Variants in ADAM10 observed in about 807,000 individuals in gnomAD.
ADAM10 encodes the protein disintegrin and metalloproteinase domain-containing protein 10.
ADAM10 carries 17 observed loss-of-function variants against 90.1 expected under a neutral mutation model. The ratio of observed to expected loss-of-function variants is 0.19; its 90% CI spans 0.13 to 0.28. The LOEUF (loss-of-function observed/expected upper bound fraction) is 0.28. ADAM10 is among the 10% of genes least tolerant of loss of function. The probability of loss-of-function intolerance (pLI) is 1.00; values close to 1 mark genes in which losing one functional copy is unlikely to be tolerated. For synonymous variants in ADAM10, 310 were observed against 298.6 expected, an observed-to-expected ratio of 1.04 and a Z score of -0.40; for missense variants, 610 against 914.3, an observed-to-expected ratio of 0.67 and a Z score of 4.29.
Position 58,692,637 on chromosome 15 carries a change from ATCT to A in ADAM10, c.207-10326_207-10324del, listed in dbSNP as rs1232055766. 4 of 559,444 alleles carry A rather than the reference ATCT, an allele frequency of 7.1e-6. No homozygotes were observed. The African/African-American group carries it at 7.6e-5, about 11-fold the overall frequency. 34.7% of individuals were successfully genotyped at this position (559,444 alleles called of 1,614,324 possible). A position where few individuals can be genotyped will look rare whatever the true frequency, so the allele number is the denominator to read the frequency against. On this transcript the variant is annotated intron_variant, in intron 2 of 15. Coordinates refer to ENST00000260408, the MANE Select transcript of ADAM10 (RefSeq NM_001110.4). ...ACCTCTCTTCTAAGTACTCTGTCTG[ATCT>A]TCTTTAAGGTGAAGGATCACTTTGG...
At chr15:58,638,974 A>G (rs529761591) in intron 8 of ADAM10, among the ~76,000 whole-genome samples, 1 of 152,370 alleles carries the variant, frequency 6.6e-6, no homozygotes, top group South Asian at 2.1e-4. Flanking sequence ...AGCTGAATCT[A>G]AAGACATGAG....
intron 5 of ADAM10, among the ~76,000 whole-genome samples, chr15:58,660,262 T>C (rs535311963): frequency 1.3e-5 from 2 of 152,162 alleles, no homozygotes; most frequent in Admixed American, 6.5e-5. Flanking sequence ...CAATCAATCA[T>C]GGCTCACTGC....
intron 2 of ADAM10, chr15:58,691,383 T>C (rs1394509814): frequency 1.2e-6 from 1 of 834,464 alleles, no homozygotes; most frequent in South Asian, 1.3e-5. Flanking sequence ...GAAGCCCTTC[T>C]TCCACTCTTG....
In ADAM10 at chr15:58,638,679, T is replaced by G. The variant is rs1254073924; in HGVS notation, c.1012+2098A>C. ...CCCCACCATTTTCAATCCAGAACTCTCCCCACCTCAGGAAAATGAGCAGCA... is the reference window on the plus strand; with the variant it reads ...CCCCACCATTTTCAATCCAGAACTCGCCCCACCTCAGGAAAATGAGCAGCA... On this transcript the variant is annotated intron_variant, in intron 8 of 15. Transcript: ENST00000260408. Among the ~76,000 whole-genome samples the G allele has an allele frequency of 1.3e-5, 2 of 148,288 alleles. 1 individual carries two copies. The highest frequency in any genetic ancestry group is 4.9e-5 in the African/African-American group (2 of 40,412).
chr15:58,612,520 C>G (rs1169483844), intron 11 of ADAM10, among the ~76,000 whole-genome samples: 1 of 152,164 alleles, frequency 6.6e-6, no homozygotes, highest in African/African-American at 2.4e-5. Flanking sequence ...CCCCCTAGGG[C>G]CCAAATGACA....
At chr15:58,706,045 C>G (rs547184155) in intron 2 of ADAM10, among the ~76,000 whole-genome samples, 2 of 152,200 alleles carry the variant, frequency 1.3e-5, no homozygotes, top group Non-Finnish European at 2.9e-5. Flanking sequence ...CCTCTGCAAA[C>G]AAGGATGGAC....
At chr15:58,622,619 T>C (rs895749308) in intron 10 of ADAM10, among the ~76,000 whole-genome samples, 27 of 152,306 alleles carry the variant, frequency 1.8e-4, no homozygotes, top group African/African-American at 6.3e-4. Flanking sequence ...CAAACATGTA[T>C]TATTTATATC....
chr15:58,711,516 T>A (rs976121601), intron 2 of ADAM10, among the ~76,000 whole-genome samples: 1 of 152,156 alleles, frequency 6.6e-6, no homozygotes, highest in Non-Finnish European at 1.5e-5. Flanking sequence ...TACTCCTTTC[T>A]CCATCCAGTT....
At chr15:58,747,091 CA>C (rs1899815965) in intron 1 of ADAM10, among the ~76,000 whole-genome samples, 1 of 152,062 alleles carries the variant, frequency 6.6e-6, no homozygotes, top group Non-Finnish European at 1.5e-5. Flanking sequence ...TTCATCAAAC[CA>C]AAACATTATG....
At chr15:58,740,938 A>G (rs1462524573) in intron 1 of ADAM10, among the ~76,000 whole-genome samples, 4 of 152,222 alleles carry the variant, frequency 2.6e-5, no homozygotes, top group African/African-American at 7.2e-5. Context: ...ATAGATTCCA[A>G]ATGAAAGCAG....
At chr15:58,614,297 A>C (rs1895539475) in intron 11 of ADAM10, among the ~76,000 whole-genome samples, 1 of 46,772 alleles carries the variant, frequency 2.1e-5, no homozygotes. Context: ...AAATAAAAAG[A>C]AAGAAAAAAG....
At chr15:58,741,987 C>G (rs576774390) in intron 1 of ADAM10, among the ~76,000 whole-genome samples, 1 of 152,314 alleles carries the variant, frequency 6.6e-6, no homozygotes, top group Non-Finnish European at 1.5e-5. Flanking sequence ...CCTCAGAAAG[C>G]CTTCCCCGCT....
intron 2 of ADAM10, among the ~76,000 whole-genome samples, chr15:58,703,291 CA>C (rs542156053): frequency 0.084 from 6,448 of 76,382 alleles, 287 homozygotes; most frequent in African/African-American, 0.21. Context: ...GGTATTCCCT[CA>C]AAAAAAAAAA....
At chr15:58,611,286 A>G (rs1895430961) in intron 12 of ADAM10, 179 bp from the exon 13 acceptor site, 1 of 594,782 alleles carries the variant, frequency 1.7e-6, no homozygotes. Context: ...AAAAAATTTG[A>G]AAAACAGTAA....
In ADAM10 at chr15:58,597,441, T is replaced by A. The variant is rs1470093180; in HGVS notation, c.*106A>T. 1 of 1,585,038 alleles carries A rather than the reference T, an allele frequency of 6.3e-7. No individual in the cohort carries two copies. The highest frequency in any genetic ancestry group is 8.6e-7 in the Non-Finnish European group (1 of 1,164,172). ...GATCTCTTGCCATTTTTTCTTCAAC[T>A]GTTACTTGTGAGGGTTTAGTTTGGA... On this transcript the variant is annotated 3_prime_UTR_variant, in exon 16 of 16. Coordinates refer to ENST00000260408, the MANE Select transcript of ADAM10 (RefSeq NM_001110.4).
chr15:58,593,595 C>T lies in ADAM10; in HGVS notation c.*3952G>A, dbSNP rs1216638925. 1 of 152,292 alleles carries T rather than the reference C, an allele frequency of 6.6e-6. No homozygotes were observed. Among genetic ancestry groups the T allele is most frequent in the Non-Finnish European group, 1.5e-5 (1 of 68,142 alleles). 9.4% of individuals were successfully genotyped at this position (152,292 alleles called of 1,614,324 possible). On this transcript the variant is annotated 3_prime_UTR_variant, in exon 16 of 16. Transcript: ENST00000260408. ...AGGATTTGACTTCCCTGGGTCTGCCCAATCAATAGTACTCCTTCATCTGCT... is the reference window on the plus strand; with the variant it reads ...AGGATTTGACTTCCCTGGGTCTGCCTAATCAATAGTACTCCTTCATCTGCT...
chr15:58,656,842 T>C (rs1896841094), intron 5 of ADAM10, among the ~76,000 whole-genome samples: 1 of 152,240 alleles, frequency 6.6e-6, no homozygotes, highest in African/African-American at 2.4e-5. Context: ...TCTTTCTGAC[T>C]GAAGAACTCT....
At chr15:58,640,211 TGTCAATGGA>T (rs1265693617) in intron 8 of ADAM10, among the ~76,000 whole-genome samples, 1 of 152,198 alleles carries the variant, frequency 6.6e-6, no homozygotes, top group Non-Finnish European at 1.5e-5. Context: ...CAGGTGATGA[TGTCAATGGA>T]GTTGTGGGTA....
intron 2 of ADAM10, among the ~76,000 whole-genome samples, chr15:58,703,089 AAAT>A (rs1217508960): frequency 2.0e-5 from 3 of 152,236 alleles, no homozygotes; most frequent in African/African-American, 7.2e-5. Flanking sequence ...ACATGTCATG[AAAT>A]AATAATAAAA....
Sources: allele counts gnomAD v4.1 joint callset (sites outside exome capture counted in the v4.1 genomes callset), GRCh38; gene constraint gnomAD v4.1.1; transcripts MANE v1.5; gene names NCBI Gene and HGNC (gene_info 2026-07-23, HGNC 2026-07-21).